CSMD1: variants seen among roughly 807,000 people sequenced by gnomAD.
The protein encoded by CSMD1 is CUB and Sushi multiple domains 1.
CSMD1 carries 213 observed loss-of-function variants against 417.5 expected under a neutral mutation model. The observed-to-expected ratio is 0.51, with a 90% confidence interval of 0.46 to 0.57. The LOEUF (loss-of-function observed/expected upper bound fraction) is 0.57. Among genes scored for constraint, CSMD1 ranks in the 20% least tolerant of loss-of-function variants. The probability of loss-of-function intolerance (pLI) is 0.00; values close to 1 mark genes in which losing one functional copy is unlikely to be tolerated. For missense variants in CSMD1, 6,923 were observed against 4,529.7 expected (o/e 1.53, Z -15.17); for synonymous variants, 2,862 against 1,736.8 (o/e 1.65, Z -16.11).
At chr8:3,502,623 G>A (rs757988341) in intron 10 of CSMD1, among the ~76,000 whole-genome samples, 45 of 152,148 alleles carry the variant, frequency 3.0e-4, no homozygotes, top group South Asian at 6.2e-4. Context: ...AAGGTGACGT[G>A]TTGCAACATT....
intron 2 of CSMD1, among the ~76,000 whole-genome samples, chr8:4,601,588 A>G (rs1247629813): frequency 6.6e-6 from 1 of 152,148 alleles, no homozygotes. Flanking sequence ...TAGTAGTAAG[A>G]GTTCAGTACT....
intron 1 of CSMD1, among the ~76,000 whole-genome samples, chr8:4,747,269 A>T (rs1311573256): frequency 6.6e-6 from 1 of 152,226 alleles, no homozygotes; most frequent in East Asian, 1.9e-4. Context: ...AGTAGTATTG[A>T]AAACAAGCCC....
chr8:4,802,390 G>A (rs1798348800), intron 1 of CSMD1, among the ~76,000 whole-genome samples: 2 of 151,794 alleles, frequency 1.3e-5, no homozygotes, highest in Non-Finnish European at 2.9e-5. Flanking sequence ...GGGATAGTGA[G>A]AAGCATCCCC....
rs1412909623 is a variant in CSMD1, at chr8:4,364,599, C to T, written c.415+55354G>A. On this transcript the variant is annotated intron_variant, in intron 3 of 69. Transcript: ENST00000635120. ...CAGCACTTTGGGAGGCCGAGGCGGG[C>T]GGATCACGAGGTCAGGAGATCGAGA... 4.0e-5 allele frequency among the ~76,000 whole-genome samples: 3 copies of T among 75,260 alleles called. 1 individual carries two copies. The highest frequency in any genetic ancestry group is 7.4e-4 in the South Asian group (2 of 2,690). The allele number at this position is 75,260 out of a possible 152,430, so 49.4% of individuals were successfully genotyped here.
At chr8:4,855,082 GCCTCCTCAAGTGGGTCCCTGA>G (rs1801713203) in intron 1 of CSMD1, among the ~76,000 whole-genome samples, 1 of 152,042 alleles carries the variant, frequency 6.6e-6, no homozygotes, top group South Asian at 2.1e-4. Flanking sequence ...CGGGCAGACT[GCCTCCTCAAGTGGGTCCCTGA>G]CCCCTGACCC....
chr8:3,783,450 G>C (rs1037322614), intron 5 of CSMD1, among the ~76,000 whole-genome samples: 28 of 152,200 alleles, frequency 1.8e-4, no homozygotes, highest in Non-Finnish European at 3.4e-4. Flanking sequence ...GGCAGGTCGG[G>C]AGCACAGAAG....
At chr8:4,821,992 G>A (rs1325149630) in intron 1 of CSMD1, among the ~76,000 whole-genome samples, 1 of 151,976 alleles carries the variant, frequency 6.6e-6, no homozygotes. Flanking sequence ...AAGTTCCTCT[G>A]TAATGCAATG....
At chr8:4,495,502 G>C (rs936732738) in intron 2 of CSMD1, among the ~76,000 whole-genome samples, 1 of 152,026 alleles carries the variant, frequency 6.6e-6, no homozygotes, top group Non-Finnish European at 1.5e-5. Context: ...TTGAACTCAG[G>C]AGGCAGAAGT....
intron 3 of CSMD1, among the ~76,000 whole-genome samples, chr8:4,118,522 C>G (rs1195873740): frequency 6.6e-6 from 1 of 151,884 alleles, no homozygotes; most frequent in Non-Finnish European, 1.5e-5. Context: ...TAGAGAAATG[C>G]AAACCAAACC....
intron 41 of CSMD1, among the ~76,000 whole-genome samples, chr8:3,121,497 C>T (rs76371564): frequency 2.6e-5 from 4 of 152,242 alleles, no homozygotes; most frequent in Non-Finnish European, 5.9e-5. Flanking sequence ...CCTCCCAGAG[C>T]GGGAGAGGAG....
At chr8:3,109,621 C>T (rs1816371502) in intron 43 of CSMD1, among the ~76,000 whole-genome samples, 1 of 152,136 alleles carries the variant, frequency 6.6e-6, no homozygotes, top group Non-Finnish European at 1.5e-5. Context: ...ATCCTCACTG[C>T]CCCAAGAACA....
At chr8:4,355,337 ACG>A (rs143947248) in intron 3 of CSMD1, among the ~76,000 whole-genome samples, 6 of 151,712 alleles carry the variant, frequency 4.0e-5, no homozygotes, top group South Asian at 2.1e-4. Context: ...ACACACACAC[ACG>A]TATATATGAT....
chr8:3,274,918 G>T (rs1270796785), intron 26 of CSMD1, among the ~76,000 whole-genome samples: 1 of 152,130 alleles, frequency 6.6e-6, no homozygotes, highest in African/African-American at 2.4e-5. Context: ...GGTGCATTTA[G>T]TCCATTTACA....
At chr8:4,294,129 C>A (rs982612451) in intron 3 of CSMD1, among the ~76,000 whole-genome samples, 18 of 152,156 alleles carry the variant, frequency 1.2e-4, no homozygotes, top group East Asian at 5.8e-4. Flanking sequence ...GGCAATGACA[C>A]TGACGTCTGA....
At chr8:3,675,627 G>A (rs1033190342) in intron 7 of CSMD1, among the ~76,000 whole-genome samples, 1 of 152,084 alleles carries the variant, frequency 6.6e-6, no homozygotes, top group African/African-American at 2.4e-5. Flanking sequence ...ATAAGGAAAG[G>A]AGGAAACCAG....
chr8:4,687,930 T>A (rs1339084789), intron 1 of CSMD1, among the ~76,000 whole-genome samples: 1 of 152,178 alleles, frequency 6.6e-6, no homozygotes, highest in Non-Finnish European at 1.5e-5. Flanking sequence ...ATTGTGATGG[T>A]TGATCTTTCA....
chr8:4,924,722 C>CACA (rs1806736414), intron 1 of CSMD1, among the ~76,000 whole-genome samples: 1 of 62,546 alleles, frequency 1.6e-5, no homozygotes. Context: ...AACTCCATCT[C>CACA]AAAAAAAAAA....
At chr8:3,014,210 T>A (rs2128965374) in intron 52 of CSMD1, among the ~76,000 whole-genome samples, 1 of 130,130 alleles carries the variant, frequency 7.7e-6, no homozygotes, top group South Asian at 2.4e-4. Context: ...TCAGAAACAT[T>A]TCTGAATAGT....
chr8:4,978,910 C>A (rs1390601904), intron 1 of CSMD1, among the ~76,000 whole-genome samples: 2 of 152,194 alleles, frequency 1.3e-5, no homozygotes, highest in Non-Finnish European at 2.9e-5. Context: ...TGCACTCCAG[C>A]CTGGGCGACA....
Sources: allele counts gnomAD v4.1 joint callset (sites outside exome capture counted in the v4.1 genomes callset), GRCh38; gene constraint gnomAD v4.1.1; transcripts MANE v1.5; gene names NCBI Gene and HGNC (gene_info 2026-07-23, HGNC 2026-07-21).